DRC11: variants seen among roughly 807,000 people sequenced by gnomAD.
DRC11 encodes dynein regulatory complex subunit 11, also known as IQ and AAA domain-containing protein 1.
chr2:236,423,800 C>T, the DRC11 span, among the ~76,000 whole-genome samples: 21 of 152,132 alleles, frequency 1.4e-4, no homozygotes, highest in South Asian at 2.9e-3. Flanking sequence ...TGGAACCAAC[C>T]CAAATGTCCA....
the DRC11 span, among the ~76,000 whole-genome samples, chr2:236,503,884 T>C: frequency 1.3e-5 from 2 of 152,088 alleles, no homozygotes; most frequent in East Asian, 3.9e-4. The surrounding 1 kb of genome is among the most constrained non-coding windows in gnomAD (Gnocchi z 4.9). Context: ...CTCTTTCTGC[T>C]TGAGCCCAGC....
the DRC11 span, among the ~76,000 whole-genome samples, chr2:236,365,054 G>C: frequency 6.6e-6 from 1 of 152,134 alleles, no homozygotes; most frequent in Non-Finnish European, 1.5e-5. This position sits in a 1 kb window ranked among gnomAD's most constrained non-coding sequence, Gnocchi z 7.4. Flanking sequence ...CAACAGGAGA[G>C]AGATGCCATT....
chr2:236,494,055 T>C, the DRC11 span, among the ~76,000 whole-genome samples: 1 of 152,170 alleles, frequency 6.6e-6, no homozygotes, highest in African/African-American at 2.4e-5. This position sits in a 1 kb window ranked among gnomAD's most constrained non-coding sequence, Gnocchi z 4.2. Context: ...ATTCATTTAC[T>C]AAAGAGACAC....
the DRC11 span, among the ~76,000 whole-genome samples, chr2:236,390,587 T>C: frequency 6.6e-6 from 1 of 152,248 alleles, no homozygotes; most frequent in African/African-American, 2.4e-5. The surrounding 1 kb of genome is among the most constrained non-coding windows in gnomAD (Gnocchi z 5.9). Context: ...TGTAGTGATA[T>C]ACTTTGATTC....
chr2:236,320,849 G>A, the DRC11 span, among the ~76,000 whole-genome samples: 10 of 61,366 alleles, frequency 1.6e-4, no homozygotes, highest in South Asian at 3.6e-3. Flanking sequence ...CCCGCCCCCC[G>A]CCATCGCCTT....
At chr2:236,477,997 T>C in the DRC11 span, among the ~76,000 whole-genome samples, 1 of 140,550 alleles carries the variant, frequency 7.1e-6, no homozygotes, top group Non-Finnish European at 1.6e-5. Flanking sequence ...ACTTTTCGTT[T>C]TGTTGATTTG....
At chr2:236,500,082 A>AGATGATGATGATGATGAT in the DRC11 span, among the ~76,000 whole-genome samples, 29 of 150,592 alleles carry the variant, frequency 1.9e-4, 1 homozygote, top group East Asian at 5.1e-3. This position sits in a 1 kb window ranked among gnomAD's most constrained non-coding sequence, Gnocchi z 6.3. Context: ...TTTTGGGTTC[A>AGATGATGATGATGATGAT]GATGATGATG....
At chr2:236,407,778 A>AT in the DRC11 span, 5,402 of 249,718 alleles carry the variant, frequency 0.022, 1 homozygote, top group South Asian at 0.04. Flanking sequence ...TTCACTCCTC[A>AT]TTTTTTTTTT....
At chr2:236,352,940 G>A in the DRC11 span, among the ~76,000 whole-genome samples, 146 of 152,184 alleles carry the variant, frequency 9.6e-4, no homozygotes, top group South Asian at 4.1e-3. This position sits in a 1 kb window ranked among gnomAD's most constrained non-coding sequence, Gnocchi z 7.0. Flanking sequence ...TGTGCGTGTC[G>A]TTTTTATGCG....
At chr2:236,347,722 G>A in the DRC11 span, among the ~76,000 whole-genome samples, 1 of 151,774 alleles carries the variant, frequency 6.6e-6, no homozygotes, top group African/African-American at 2.4e-5. Context: ...TGGGAGGGGG[G>A]TGAGGGATGA....
the DRC11 span, among the ~76,000 whole-genome samples, chr2:236,463,133 A>C: frequency 0.23 from 35,689 of 152,004 alleles, 4,348 homozygotes; most frequent in Middle Eastern, 0.29. The surrounding 1 kb of genome is among the most constrained non-coding windows in gnomAD (Gnocchi z 5.0). Flanking sequence ...TGATATACTA[A>C]CATTACTATG....
chr2:236,398,143 T>C, the DRC11 span, among the ~76,000 whole-genome samples: 2 of 152,190 alleles, frequency 1.3e-5, no homozygotes, highest in African/African-American at 4.8e-5. This position sits in a 1 kb window ranked among gnomAD's most constrained non-coding sequence, Gnocchi z 6.2. Flanking sequence ...CTCCAAGCCT[T>C]GCACGTCTTA....
the DRC11 span, among the ~76,000 whole-genome samples, chr2:236,423,563 G>A: frequency 6.6e-6 from 1 of 152,204 alleles, no homozygotes; most frequent in Non-Finnish European, 1.5e-5. Context: ...AGGTGCTGGA[G>A]AGGATGTGGA....
chr2:236,309,312 T>G, the DRC11 span, among the ~76,000 whole-genome samples: 1 of 152,202 alleles, frequency 6.6e-6, no homozygotes, highest in East Asian at 1.9e-4. The surrounding 1 kb of genome is among the most constrained non-coding windows in gnomAD (Gnocchi z 5.7). Flanking sequence ...AGTGAAAATG[T>G]TCATTAAATG....
chr2:236,480,021 G>A, the DRC11 span, among the ~76,000 whole-genome samples: 1 of 143,380 alleles, frequency 7.0e-6, no homozygotes, highest in Non-Finnish European at 1.5e-5. Flanking sequence ...TTGGTTGACA[G>A]GTTTTTTTTT....
chr2:236,360,171 C>T, the DRC11 span, among the ~76,000 whole-genome samples: 2 of 152,182 alleles, frequency 1.3e-5, no homozygotes, highest in African/African-American at 4.8e-5. The surrounding 1 kb of genome is among the most constrained non-coding windows in gnomAD (Gnocchi z 5.8). Context: ...ATACTTAATT[C>T]AGCCATTCAG....
chr2:236,325,975 A>G, the DRC11 span, among the ~76,000 whole-genome samples: 1 of 152,188 alleles, frequency 6.6e-6, no homozygotes, highest in Non-Finnish European at 1.5e-5. This position sits in a 1 kb window ranked among gnomAD's most constrained non-coding sequence, Gnocchi z 4.4. Flanking sequence ...TATTAGGCAG[A>G]TAGTTGTTTT....
At chr2:236,324,693 T>C in the DRC11 span, 27 of 1,556,012 alleles carry the variant, frequency 1.7e-5, no homozygotes, top group African/African-American at 3.5e-4. This position sits in a 1 kb window ranked among gnomAD's most constrained non-coding sequence, Gnocchi z 5.7. Flanking sequence ...TTCTTTTATT[T>C]CCTTTTCCCT....
At chr2:236,318,952 T>A in the DRC11 span, among the ~76,000 whole-genome samples, 15 of 151,934 alleles carry the variant, frequency 9.9e-5, no homozygotes, top group Admixed American at 7.2e-4. This position sits in a 1 kb window ranked among gnomAD's most constrained non-coding sequence, Gnocchi z 7.0. Flanking sequence ...GGAGCCAGGG[T>A]TATTCAAGAG....
Sources: gnomAD v4.1 joint callset for allele counts (sites outside exome capture counted in the v4.1 genomes callset) on GRCh38, gnomAD v4.1.1 for gene constraint, Gnocchi (gnomAD v3.1) non-coding constraint, MANE v1.5 for transcripts, NCBI Gene and HGNC (gene_info 2026-07-23, HGNC 2026-07-21) for gene names.